Variants in ASTN2 observed in about 807,000 individuals in gnomAD.
ASTN2 encodes astrotactin 2.
ASTN2 carries 54 observed loss-of-function variants against 139.8 expected under a neutral mutation model. The ratio of observed to expected loss-of-function variants is 0.39; its 90% CI spans 0.31 to 0.48. ASTN2 has a LOEUF of 0.48. Among genes scored for constraint, ASTN2 ranks in the 20% least tolerant of loss-of-function variants. The pLI is 0.95. For missense variants in ASTN2, 1,565 were observed against 1,725.1 expected (o/e 0.91, Z 1.64); for synonymous variants, 756 against 719.5 (o/e 1.05, Z -0.81).
chr9:117,044,415 T>G (rs556341365), intron 5 of ASTN2, among the ~76,000 whole-genome samples: 1 of 152,220 alleles, frequency 6.6e-6, no homozygotes, highest in East Asian at 1.9e-4. Context: ...CAGATGCCCA[T>G]GGAGCAGCAG....
chr9:117,126,598 CTA>C (rs1357330732), intron 4 of ASTN2, among the ~76,000 whole-genome samples: 4 of 152,186 alleles, frequency 2.6e-5, no homozygotes, highest in African/African-American at 9.7e-5. Flanking sequence ...TTCATTCCTC[CTA>C]TAGTTTCATC....
At chr9:116,428,027 T>C (rs948959915) in intron 22 of ASTN2, among the ~76,000 whole-genome samples, 8 of 152,262 alleles carry the variant, frequency 5.3e-5, no homozygotes, top group Admixed American at 4.6e-4. Flanking sequence ...GAGCATTTAT[T>C]ATGTGGCAGA....
At chr9:117,134,315 C>T (rs1272000276) in intron 4 of ASTN2, among the ~76,000 whole-genome samples, 12 of 146,854 alleles carry the variant, frequency 8.2e-5, no homozygotes, top group African/African-American at 2.6e-4. Flanking sequence ...CACACACACA[C>T]ACACACACAC....
intron 10 of ASTN2, among the ~76,000 whole-genome samples, chr9:116,933,912 G>T (rs1397808698): frequency 6.7e-6 from 1 of 150,120 alleles, no homozygotes; most frequent in South Asian, 2.1e-4. Flanking sequence ...TAAATGGAGG[G>T]TACCACCAAT....
intron 19 of ASTN2, among the ~76,000 whole-genome samples, chr9:116,608,243 G>A (rs1335793664): frequency 6.6e-6 from 1 of 152,192 alleles, no homozygotes. Flanking sequence ...GAAGCAATCT[G>A]TGGAGGAGTT....
intron 2 of ASTN2, among the ~76,000 whole-genome samples, chr9:117,252,050 T>C (rs1833554108): frequency 6.6e-6 from 1 of 152,230 alleles, no homozygotes; most frequent in Non-Finnish European, 1.5e-5. Flanking sequence ...GATAAAATTA[T>C]ATTCTCTATA....
chr9:117,191,868 AG>A (rs1384566578), intron 3 of ASTN2, among the ~76,000 whole-genome samples: 5 of 152,172 alleles, frequency 3.3e-5, no homozygotes, highest in Admixed American at 2.0e-4. Context: ...AGAATGTGCA[AG>A]GGTCCCCAGA....
At chr9:117,143,876 C>A (rs1300213681) in intron 3 of ASTN2, among the ~76,000 whole-genome samples, 1 of 152,122 alleles carries the variant, frequency 6.6e-6, no homozygotes, top group Non-Finnish European at 1.5e-5. Context: ...GATCAGGGCC[C>A]CTTCTTATGA....
chr9:117,287,832 C>A (rs774059245), intron 2 of ASTN2, among the ~76,000 whole-genome samples: 1 of 152,164 alleles, frequency 6.6e-6, no homozygotes, highest in East Asian at 1.9e-4. Flanking sequence ...TCAGTATGTG[C>A]CAGCCTGGGT....
At chr9:116,747,530 G>C (rs1325043889) in intron 13 of ASTN2, among the ~76,000 whole-genome samples, 2 of 152,112 alleles carry the variant, frequency 1.3e-5, no homozygotes, top group Admixed American at 6.5e-5. Context: ...TGCCAGAGGT[G>C]GGGGAACTGG....
intron 13 of ASTN2, among the ~76,000 whole-genome samples, chr9:116,802,079 CTTTCTTTTT>C (rs1219344733): frequency 9.4e-6 from 1 of 106,098 alleles, no homozygotes; most frequent in Non-Finnish European, 1.9e-5. Context: ...TTCTTTCTTT[CTTTCTTTTT>C]TTTTTTTTTT....
chr9:116,798,845 G>T (rs1428051285), intron 13 of ASTN2, among the ~76,000 whole-genome samples: 1 of 152,146 alleles, frequency 6.6e-6, no homozygotes, highest in Non-Finnish European at 1.5e-5. Context: ...TCAGGGAGAG[G>T]CAGGTGGTAT....
chr9:116,669,110 T>C (rs803905), intron 16 of ASTN2, among the ~76,000 whole-genome samples: 88,448 of 151,996 alleles, frequency 0.58, 26,201 homozygotes, highest in East Asian at 0.87. Context: ...ATAAGACATG[T>C]CCACCAGTGT....
At chr9:117,209,126 A>G (rs1299289526) in intron 3 of ASTN2, among the ~76,000 whole-genome samples, 2 of 152,184 alleles carry the variant, frequency 1.3e-5, no homozygotes, top group Non-Finnish European at 2.9e-5. Context: ...AAAAATAATA[A>G]GAGAGAAAGT....
chr9:117,195,641 A>C (rs1308672124), intron 3 of ASTN2, among the ~76,000 whole-genome samples: 1 of 152,196 alleles, frequency 6.6e-6, no homozygotes, highest in African/African-American at 2.4e-5. Context: ...ATTGTGAAGA[A>C]GCTTGAACAC....
chr9:117,061,844 G>A (rs1334723507), intron 5 of ASTN2, among the ~76,000 whole-genome samples: 1 of 151,804 alleles, frequency 6.6e-6, no homozygotes, highest in Non-Finnish European at 1.5e-5. Context: ...GGGGAGAGTT[G>A]GAAAAAAATC....
intron 1 of ASTN2, among the ~76,000 whole-genome samples, chr9:117,298,670 G>GTATATATATATATATA (rs148601803): frequency 3.7e-5 from 5 of 136,464 alleles, no homozygotes; most frequent in South Asian, 2.4e-4. Flanking sequence ...ATATATATGT[G>GTATATATATATATATA]TATATATATA....
chr9:116,531,056 T>C (rs1851319290), intron 19 of ASTN2, among the ~76,000 whole-genome samples: 1 of 152,196 alleles, frequency 6.6e-6, no homozygotes, highest in Non-Finnish European at 1.5e-5. Context: ...TTTTATTCAA[T>C]TACTATGTAT....
intron 1 of ASTN2, among the ~76,000 whole-genome samples, chr9:117,378,578 C>T (rs191308185): frequency 4.2e-4 from 64 of 152,292 alleles, no homozygotes; most frequent in African/African-American, 1.4e-3. Context: ...ATATCCACTG[C>T]CCCCTTCTTG....
Sources: gnomAD v4.1 joint callset for allele counts (sites outside exome capture counted in the v4.1 genomes callset) on GRCh38, gnomAD v4.1.1 for gene constraint, MANE v1.5 for transcripts, NCBI Gene and HGNC (gene_info 2026-07-23, HGNC 2026-07-21) for gene names.